The following KLF16 variants were observed in gnomAD, a reference collection of about 807,000 sequenced individuals.
KLF16 encodes the protein Krueppel-like factor 16.
KLF16 carries 6 observed loss-of-function variants against 6.1 expected under a neutral mutation model. The ratio of observed to expected loss-of-function variants is 0.98; its 90% CI spans 0.54 to 1.93. The LOEUF (loss-of-function observed/expected upper bound fraction) is 1.93, where lower values mean the gene tolerates loss of function less well. Ranked by LOEUF, KLF16 falls within the 30% of genes most tolerant of loss-of-function variation. KLF16 has a pLI of 0.01. For synonymous variants in KLF16, 211 were observed against 176.5 expected (o/e 1.20, Z -1.55); for missense variants, 355 against 363.8 (o/e 0.98, Z 0.20).
chr19:1,872,848 C>T, the KLF16 span, among the ~76,000 whole-genome samples: 5 of 151,990 alleles, frequency 3.3e-5, no homozygotes, highest in Admixed American at 1.3e-4. Flanking sequence ...AGCCCGGAAC[C>T]GGGAGGGAAG....
At chr19:1,874,488 T>A in the KLF16 span, among the ~76,000 whole-genome samples, 12 of 151,496 alleles carry the variant, frequency 7.9e-5, no homozygotes, top group Non-Finnish European at 2.9e-5. Context: ...TTTAAATATA[T>A]GGGGAAAAAA....
chr19:1,868,103 G>A (rs1396195001), upstream of KLF16, among the ~76,000 whole-genome samples: 1 of 152,024 alleles, frequency 6.6e-6, no homozygotes, highest in Non-Finnish European at 1.5e-5. Context: ...GCCTCTGAAT[G>A]TCAACAGGCA....
At chr19:1,870,787 G>C in the KLF16 span, among the ~76,000 whole-genome samples, 4 of 152,222 alleles carry the variant, frequency 2.6e-5, no homozygotes, top group African/African-American at 9.7e-5. Flanking sequence ...CCTGAGGTCA[G>C]GAGTTTCAGA....
chr19:1,876,078 T>C, the KLF16 span: 1 of 152,248 alleles, frequency 6.6e-6, no homozygotes, highest in Non-Finnish European at 1.5e-5. Flanking sequence ...GCCGGACCGG[T>C]ACCTGGCTGG....
At chr19:1,870,560 T>C in the KLF16 span, among the ~76,000 whole-genome samples, 228 of 151,924 alleles carry the variant, frequency 1.5e-3, no homozygotes, top group East Asian at 0.014. Context: ...TCCCAGGTAA[T>C]TGGGAGGCTG....
upstream of KLF16, among the ~76,000 whole-genome samples, chr19:1,865,826 G>A (rs929154964): frequency 6.6e-6 from 1 of 152,186 alleles, no homozygotes; most frequent in Non-Finnish European, 1.5e-5. Flanking sequence ...CTCCAGCAGC[G>A]CCCGGCACAG....
the KLF16 span, chr19:1,875,683 A>T: frequency 6.6e-6 from 1 of 152,294 alleles, no homozygotes; most frequent in Admixed American, 6.5e-5. Flanking sequence ...GCGTCAGAGG[A>T]CAACACGCTC....
rs1423921713 is a variant in KLF16, at chr19:1,853,856, A to G, written c.*603T>C. ...TGCCCCACTCCTGGCTCTACCCCCG[A>G]GGTCTGGGGGGCCAGGCAGCCCCTA... is the stretch of plus-strand genomic sequence containing the variant. On this transcript the variant is annotated 3_prime_UTR_variant, in exon 2 of 2. Coordinates refer to ENST00000250916, the MANE Select transcript of KLF16 (RefSeq NM_031918.4). 2 of 152,564 alleles carry G rather than the reference A, an allele frequency of 1.3e-5. No individual in the cohort carries two copies. Among genetic ancestry groups the G allele is most frequent in the Non-Finnish European group, 2.9e-5 (2 of 68,046 alleles). 9.5% of individuals were successfully genotyped at this position (152,564 alleles called of 1,614,324 possible).
intron 1 of KLF16, 141 bp downstream of exon 1, chr19:1,862,900 C>A (rs2012098043): frequency 3.9e-6 from 1 of 257,186 alleles, no homozygotes; most frequent in South Asian, 1.3e-4. Context: ...CCACCGAGGC[C>A]CCGCCCTGCC....
upstream of KLF16, among the ~76,000 whole-genome samples, chr19:1,863,823 GC>G (rs995342964): frequency 1.4e-5 from 2 of 142,372 alleles, no homozygotes; most frequent in African/African-American, 2.6e-5. Flanking sequence ...GGAGGAACCC[GC>G]CCCCCGGCGC....
the KLF16 span, among the ~76,000 whole-genome samples, chr19:1,872,818 T>C: frequency 3.3e-5 from 5 of 151,728 alleles, no homozygotes; most frequent in Non-Finnish European, 7.4e-5. Flanking sequence ...GTTGTGAAGA[T>C]CGACGTGGCC....
At chr19:1,866,432 G>A (rs529288926), upstream of KLF16, among the ~76,000 whole-genome samples, 5 of 151,634 alleles carry the variant, frequency 3.3e-5, no homozygotes, top group African/African-American at 9.7e-5. Context: ...CCAATATGAA[G>A]AAACCCCGTC....
upstream of KLF16, among the ~76,000 whole-genome samples, chr19:1,868,574 GTTT>G: frequency 6.9e-6 from 1 of 144,130 alleles, no homozygotes; most frequent in South Asian, 2.2e-4. Flanking sequence ...TGCCTCCCAG[GTTT>G]CAGCGATTCT....
the KLF16 span, among the ~76,000 whole-genome samples, chr19:1,872,103 C>T: frequency 2.0e-5 from 3 of 152,126 alleles, no homozygotes; most frequent in African/African-American, 7.2e-5. Context: ...AGCTTTCCCC[C>T]TTGAACAGGG....
the KLF16 span, among the ~76,000 whole-genome samples, chr19:1,869,907 C>T: frequency 6.5e-4 from 99 of 152,036 alleles, no homozygotes; most frequent in Non-Finnish European, 1.1e-3. Context: ...GCCACCACAC[C>T]CAACCCAAGA....
At chr19:1,865,165 C>T (rs1192434978), upstream of KLF16, among the ~76,000 whole-genome samples, 3 of 152,214 alleles carry the variant, frequency 2.0e-5, no homozygotes, top group Admixed American at 2.0e-4. Context: ...AGAGCGGAGC[C>T]GAGAGAGAGG....
Position 1,863,104 on chromosome 19 carries a change from G to T in KLF16, c.394C>A (p.Pro132Thr). The change falls in exon 1 of 2, where the codon CCG (proline) becomes ACG (threonine). Residue 132 changes from proline (P) to threonine (T), a missense_variant. Transcript: ENST00000250916. ...AAAKSHRCPFPDCAKAYYKSS... is the reference protein window; with the variant it reads ...AAAKSHRCPFTDCAKAYYKSS... Reference sequence around the variant, plus strand: ...TTGTAGTAGGCTTTGGCGCAGTCCGGGAAGGGACAGCGGTGGCTCTTGGCG... The same window carrying T: ...TTGTAGTAGGCTTTGGCGCAGTCCGTGAAGGGACAGCGGTGGCTCTTGGCG... 7.2e-7 allele frequency: 1 copy of T among 1,396,718 alleles called. No individual in the cohort carries two copies. The highest frequency in any genetic ancestry group is 9.5e-7 in the Non-Finnish European group (1 of 1,056,550). 86.5% of individuals were successfully genotyped at this position (1,396,718 alleles called of 1,614,324 possible). A position where few individuals can be genotyped will look rare whatever the true frequency, so the allele number is the denominator to read the frequency against.
upstream of KLF16, among the ~76,000 whole-genome samples, chr19:1,866,639 G>C (rs1055794478): frequency 2.6e-5 from 4 of 151,688 alleles, no homozygotes; most frequent in African/African-American, 9.7e-5. Flanking sequence ...AGCGGGCGCA[G>C]TGGCCTCACA....
At chr19:1,865,553 G>A (rs559623730), upstream of KLF16, among the ~76,000 whole-genome samples, 25 of 152,366 alleles carry the variant, frequency 1.6e-4, no homozygotes, top group African/African-American at 5.3e-4. Context: ...AACGATGGGG[G>A]GCAGGGGTGA....
Sources: allele counts gnomAD v4.1 joint callset (sites outside exome capture counted in the v4.1 genomes callset), GRCh38; gene constraint gnomAD v4.1.1; transcripts MANE v1.5; gene names NCBI Gene and HGNC (gene_info 2026-07-23, HGNC 2026-07-21).